MRPS28: variants seen among roughly 807,000 people sequenced by gnomAD.
MRPS28 encodes the protein small ribosomal subunit protein bS1m.
MRPS28 carries 7 observed loss-of-function variants against 10.8 expected under a neutral mutation model. The observed-to-expected ratio is 0.65, with a 90% CI of 0.37 to 1.22. The LOEUF (loss-of-function observed/expected upper bound fraction) is 1.22. Ranked by LOEUF, MRPS28 falls within the 50% of genes most tolerant of loss-of-function variation. MRPS28 has a pLI of 0.02. For synonymous variants in MRPS28, 121 were observed against 93.3 expected (o/e 1.30, Z -1.71); for missense variants, 265 against 232.9 (o/e 1.14, Z -0.90).
intron 2 of MRPS28, among the ~76,000 whole-genome samples, chr8:79,932,562 C>T (rs1316571421): frequency 6.6e-6 from 1 of 152,062 alleles, no homozygotes; most frequent in Non-Finnish European, 1.5e-5. Context: ...CCAAAGTAAA[C>T]GGTTTGGGGT....
chr8:80,018,948 T>C (rs924217020), intron 1 of MRPS28, among the ~76,000 whole-genome samples: 3 of 152,074 alleles, frequency 2.0e-5, no homozygotes, highest in African/African-American at 7.2e-5. Flanking sequence ...ATTTAAACAA[T>C]TGAACTCATG....
intron 2 of MRPS28, among the ~76,000 whole-genome samples, chr8:79,923,715 A>G (rs1810155462): frequency 6.6e-6 from 1 of 152,150 alleles, no homozygotes; most frequent in Non-Finnish European, 1.5e-5. Context: ...TTTAACTTCA[A>G]GTGCTTGCTT....
intron 2 of MRPS28, among the ~76,000 whole-genome samples, chr8:79,928,517 G>T (rs1342531144): frequency 6.6e-6 from 1 of 151,862 alleles, no homozygotes; most frequent in East Asian, 1.9e-4. Flanking sequence ...TCAGCTCACT[G>T]CAACCTCCAC....
chr8:80,000,308 T>G (rs971935183), intron 2 of MRPS28, among the ~76,000 whole-genome samples: 1 of 152,224 alleles, frequency 6.6e-6, no homozygotes, highest in African/African-American at 2.4e-5. Flanking sequence ...AACTGGATAT[T>G]AAGCAGGTGG....
chr8:79,941,777 T>C (rs73691114), intron 2 of MRPS28, among the ~76,000 whole-genome samples: 1,624 of 152,328 alleles, frequency 0.011, 33 homozygotes, highest in African/African-American at 0.037. Context: ...GAAAACTGTT[T>C]CAATAATTTA....
At chr8:80,017,140 T>C (rs893123491) in intron 1 of MRPS28, among the ~76,000 whole-genome samples, 12 of 152,140 alleles carry the variant, frequency 7.9e-5, no homozygotes, top group African/African-American at 2.7e-4. Context: ...AAATCAGGAA[T>C]AGAAAGATAG....
intron 2 of MRPS28, among the ~76,000 whole-genome samples, chr8:79,953,364 T>C (rs945665600): frequency 2.6e-5 from 4 of 152,124 alleles, no homozygotes; most frequent in Admixed American, 6.5e-5. Context: ...ATTAAGATAA[T>C]ACGATATTGG....
intron 2 of MRPS28, among the ~76,000 whole-genome samples, chr8:79,954,718 C>T (rs1403391144): frequency 1.3e-5 from 2 of 152,166 alleles, no homozygotes; most frequent in African/African-American, 4.8e-5. Flanking sequence ...ACTTTGTGGG[C>T]TTTTTGTAAA....
intron 2 of MRPS28, among the ~76,000 whole-genome samples, chr8:79,934,030 T>G (rs1417708725): frequency 6.6e-6 from 1 of 152,242 alleles, no homozygotes; most frequent in Non-Finnish European, 1.5e-5. Flanking sequence ...TCTTGTTTAC[T>G]AACTAGAAAC....
intron 2 of MRPS28, among the ~76,000 whole-genome samples, chr8:79,985,882 T>C (rs1808143828): frequency 1.3e-5 from 2 of 152,174 alleles, no homozygotes; most frequent in Non-Finnish European, 2.9e-5. Flanking sequence ...TCTGAAACTA[T>C]TCCAATCAAT....
intron 2 of MRPS28, among the ~76,000 whole-genome samples, chr8:79,919,350 GAA>G (rs11350200): frequency 3.9e-4 from 55 of 142,696 alleles, no homozygotes; most frequent in South Asian, 4.5e-4. Flanking sequence ...TTTTTGTTTT[GAA>G]AAAAAAAAAA....
intron 2 of MRPS28, among the ~76,000 whole-genome samples, chr8:80,001,214 T>C (rs1292927001): frequency 1.3e-5 from 2 of 152,228 alleles, no homozygotes; most frequent in Non-Finnish European, 2.9e-5. Flanking sequence ...GCATCCATGG[T>C]AGATGATCAA....
intron 2 of MRPS28, among the ~76,000 whole-genome samples, chr8:79,995,194 C>G (rs1808469210): frequency 6.6e-6 from 1 of 152,148 alleles, no homozygotes. Flanking sequence ...ACACAGGTAG[C>G]ACATAATAGA....
chr8:79,946,094 C>T (rs1163593533), intron 2 of MRPS28, among the ~76,000 whole-genome samples: 1 of 152,108 alleles, frequency 6.6e-6, no homozygotes, highest in African/African-American at 2.4e-5. Flanking sequence ...CCTAAAAACC[C>T]TCCTTGATCT....
chr8:80,014,849 T>C (rs1458652450), intron 1 of MRPS28, among the ~76,000 whole-genome samples: 1 of 152,190 alleles, frequency 6.6e-6, no homozygotes, highest in African/African-American at 2.4e-5. Context: ...TTTGGCAATG[T>C]CTGGAGATGT....
chr8:79,984,698 A>C (rs1328261691), intron 2 of MRPS28, among the ~76,000 whole-genome samples: 1 of 152,198 alleles, frequency 6.6e-6, no homozygotes, highest in African/African-American at 2.4e-5. Flanking sequence ...ATAATGGTAA[A>C]GGGATCAATT....
chr8:80,003,075 T>C lies in MRPS28; in HGVS notation c.319A>G (p.Ile107Val), dbSNP rs146503743. The C allele has an allele frequency of 9.1e-5, 147 of 1,613,674 alleles. 1 individual carries two copies. In the South Asian group the frequency reaches 1.1e-3, roughly 12 times the overall value. The change falls in exon 2 of 3, where the codon ATT becomes GTT. Residue 107 changes from isoleucine (I) to valine (V), a missense_variant. Ile to Val is a conservative substitution (Grantham distance 29). Coordinates refer to ENST00000276585, the MANE Select transcript of MRPS28 (RefSeq NM_014018.3). Reference sequence around the variant, plus strand: ...TCTATGTACAGATCATTCTCCACAATATGAAAGATCCGTCCAATGACCAGT... The same window carrying C: ...TCTATGTACAGATCATTCTCCACAACATGAAAGATCCGTCCAATGACCAGT... ...DKLVIGRIFH[I>V]VENDLYIDFG...
At chr8:79,960,345 T>TAC (rs1297001387) in intron 2 of MRPS28, among the ~76,000 whole-genome samples, 1 of 152,142 alleles carries the variant, frequency 6.6e-6, no homozygotes, top group Non-Finnish European at 1.5e-5. Flanking sequence ...AGACCCATTT[T>TAC]CTACTAATCC....
intron 2 of MRPS28, among the ~76,000 whole-genome samples, chr8:79,994,362 A>G (rs1808443911): frequency 6.6e-6 from 1 of 152,168 alleles, no homozygotes; most frequent in Non-Finnish European, 1.5e-5. Flanking sequence ...AATAAAAGTG[A>G]TCTACATCCG....
Sources: gnomAD v4.1 joint callset for allele counts (sites outside exome capture counted in the v4.1 genomes callset) on GRCh38, gnomAD v4.1.1 for gene constraint, MANE v1.5 for transcripts, NCBI Gene and HGNC (gene_info 2026-07-23, HGNC 2026-07-21) for gene names.